FAM135B: variants seen among roughly 807,000 people sequenced by gnomAD.
FAM135B encodes the protein protein FAM135B.
Under a neutral mutation model 127.7 loss-of-function variants are expected in FAM135B, and 43 were observed. The observed-to-expected ratio is 0.34, with a 90% CI of 0.26 to 0.43. The LOEUF (loss-of-function observed/expected upper bound fraction) is 0.43. Among genes scored for constraint, FAM135B ranks in the 20% least tolerant of loss-of-function variants. The pLI is 1.00. For synonymous variants in FAM135B, 670 were observed against 665.1 expected, an observed-to-expected ratio of 1.01 and a Z score of -0.11; for missense variants, 1,558 against 1,725.6, an observed-to-expected ratio of 0.90 and a Z score of 1.72.
intron 2 of FAM135B, among the ~76,000 whole-genome samples, chr8:138,360,385 C>A (rs1191150826): frequency 6.6e-6 from 1 of 152,178 alleles, no homozygotes; most frequent in African/African-American, 2.4e-5. Context: ...AAAAGTATTG[C>A]ATATGAAAAT....
rs1587320456 is a variant in FAM135B, at chr8:138,388,611, T to C, written c.-19-20609A>G. Among the ~76,000 whole-genome samples the C allele has an allele frequency of 2.0e-5, 3 of 152,204 alleles. No homozygotes were observed. In the East Asian group the frequency reaches 5.8e-4, roughly 29 times the overall value. ...TGTCGAGGCATGGAGGCACCTTACA[T>C]GCATATTAGTAAAGTGAAAAAATGC... On this transcript the variant is annotated intron_variant, in intron 1 of 19. Transcript: ENST00000395297.
chr8:138,152,517 T>G lies in FAM135B; in HGVS notation c.1958A>C (p.Asp653Ala). ...AGAGTCCTTTAGGGAAGACCTAATA[T>G]CTAAGGGCTCCCTCAGGGTAGAACT... ...PLSSTLREPL[D>A]IRSSLKDSHT... The change falls in exon 13 of 20, where the codon GAT becomes GCT. Residue 653 changes from aspartate to alanine, a missense_variant. By Grantham distance (126) the Asp-to-Ala change is moderately radical. Coordinates refer to ENST00000395297, the MANE Select transcript of FAM135B (RefSeq NM_015912.4). 2 of 1,614,152 alleles carry G rather than the reference T, an allele frequency of 1.2e-6. No individual in the cohort carries two copies. Among genetic ancestry groups the G allele is most frequent in the Non-Finnish European group, 1.7e-6 (2 of 1,180,038 alleles).
At chr8:138,352,125 G>T (rs1829822016) in intron 2 of FAM135B, among the ~76,000 whole-genome samples, 1 of 152,108 alleles carries the variant, frequency 6.6e-6, no homozygotes, top group Admixed American at 6.5e-5. Flanking sequence ...ACAGACATTG[G>T]GAAACCATTG....
intron 4 of FAM135B, among the ~76,000 whole-genome samples, chr8:138,263,357 C>G (rs1822684550): frequency 6.6e-6 from 1 of 151,990 alleles, no homozygotes; most frequent in Non-Finnish European, 1.5e-5. Flanking sequence ...ACAGTCTGGA[C>G]CCATTCTCCT....
intron 1 of FAM135B, among the ~76,000 whole-genome samples, chr8:138,461,631 C>T (rs1327768461): frequency 1.3e-5 from 2 of 152,154 alleles, no homozygotes; most frequent in Non-Finnish European, 2.9e-5. Context: ...ATACATATTG[C>T]ATTTAACCCT....
At chr8:138,378,116 T>C (rs867462226) in intron 1 of FAM135B, among the ~76,000 whole-genome samples, 2 of 152,182 alleles carry the variant, frequency 1.3e-5, no homozygotes, top group Admixed American at 6.5e-5. Context: ...ACATGCAGAA[T>C]TGGGGCCAAC....
At chr8:138,185,813 G>C (rs995488445) in intron 9 of FAM135B, among the ~76,000 whole-genome samples, 2 of 152,332 alleles carry the variant, frequency 1.3e-5, no homozygotes, top group African/African-American at 4.8e-5. Context: ...TGTTGAACTT[G>C]TTTGTACCAA....
At chr8:138,342,611 C>T (rs529316277) in intron 2 of FAM135B, among the ~76,000 whole-genome samples, 1 of 152,294 alleles carries the variant, frequency 6.6e-6, no homozygotes, top group African/African-American at 2.4e-5. Context: ...GATTATGACA[C>T]TCAGTAGAAA....
At chr8:138,196,419 C>A (rs918343852) in intron 8 of FAM135B, among the ~76,000 whole-genome samples, 1 of 152,180 alleles carries the variant, frequency 6.6e-6, no homozygotes, top group African/African-American at 2.4e-5. Context: ...AGATTCAATT[C>A]AACAACTATA....
intron 12 of FAM135B, among the ~76,000 whole-genome samples, chr8:138,155,982 A>G (rs1258423361): frequency 6.6e-6 from 1 of 152,194 alleles, no homozygotes; most frequent in East Asian, 1.9e-4. Flanking sequence ...CCCCAAATCA[A>G]CAGAATATAC....
intron 2 of FAM135B, among the ~76,000 whole-genome samples, chr8:138,326,257 C>G (rs892161771): frequency 2.0e-5 from 3 of 152,146 alleles, no homozygotes; most frequent in African/African-American, 4.8e-5. Context: ...TGCTGCTGGT[C>G]TGTCATCCAG....
chr8:138,401,648 T>C lies in FAM135B; in HGVS notation c.-19-33646A>G, dbSNP rs531253962. Among the ~76,000 whole-genome samples, 5 of 152,320 alleles carry C rather than the reference T, an allele frequency of 3.3e-5. No homozygotes were observed. The South Asian group carries it at 1.0e-3, about 32-fold the overall frequency. On this transcript the variant is annotated intron_variant, in intron 1 of 19. Coordinates refer to ENST00000395297, the MANE Select transcript of FAM135B (RefSeq NM_015912.4). ...AATGGCCTTTTAACCTCAGCTGACA[T>C]AGCAATGGGACCTGGAAAAGCAATG... is the stretch of plus-strand genomic sequence containing the variant.
At chr8:138,336,574 G>C (rs897209551) in intron 2 of FAM135B, among the ~76,000 whole-genome samples, 3 of 152,112 alleles carry the variant, frequency 2.0e-5, no homozygotes, top group Non-Finnish European at 2.9e-5. Context: ...TTGAATCTCT[G>C]AATAGACCAA....
intron 1 of FAM135B, among the ~76,000 whole-genome samples, chr8:138,450,096 GA>G: frequency 6.6e-6 from 1 of 152,238 alleles, no homozygotes; most frequent in Admixed American, 6.5e-5. Flanking sequence ...GAATGTCAAG[GA>G]AAAGCTATGC....
chr8:138,468,561 T>C (rs1262723827), intron 1 of FAM135B, among the ~76,000 whole-genome samples: 1 of 152,148 alleles, frequency 6.6e-6, no homozygotes, highest in African/African-American at 2.4e-5. Context: ...ATATTTACAT[T>C]TCCCCATTAA....
At chr8:138,373,363 C>T (rs551119400) in intron 1 of FAM135B, among the ~76,000 whole-genome samples, 1 of 151,418 alleles carries the variant, frequency 6.6e-6, no homozygotes, top group Admixed American at 6.6e-5. Context: ...GGACACTTAT[C>T]ACTTCCCCAA....
At chr8:138,158,108 C>T (rs1818955053) in intron 12 of FAM135B, among the ~76,000 whole-genome samples, 2 of 152,108 alleles carry the variant, frequency 1.3e-5, no homozygotes, top group Admixed American at 6.5e-5. Context: ...GAGATATAGA[C>T]CAATGGAACA....
chr8:138,160,370 G>A (rs1819243868), intron 12 of FAM135B, among the ~76,000 whole-genome samples: 1 of 150,784 alleles, frequency 6.6e-6, no homozygotes, highest in Non-Finnish European at 1.5e-5. Context: ...CTGGTGTCTG[G>A]TTTTATTTAT....
At chr8:138,441,497 T>A (rs1835763298) in intron 1 of FAM135B, 1 of 152,208 alleles carries the variant, frequency 6.6e-6, no homozygotes, top group African/African-American at 2.4e-5. Context: ...TCCATCAGCA[T>A]CACTATTGTG....
Sources: gnomAD v4.1 joint callset for allele counts (sites outside exome capture counted in the v4.1 genomes callset) on GRCh38, gnomAD v4.1.1 for gene constraint, MANE v1.5 for transcripts, NCBI Gene and HGNC (gene_info 2026-07-23, HGNC 2026-07-21) for gene names.